The following ZCCHC24 variants were observed in gnomAD, a reference collection of about 807,000 sequenced individuals.
The protein encoded by ZCCHC24 is zinc finger CCHC domain-containing protein 24.
In ZCCHC24, 10 loss-of-function variants were observed where a neutral mutation model predicts 26.2. That is an observed-to-expected ratio of 0.38 (90% CI 0.24 to 0.65). The LOEUF is 0.65. Ranked by LOEUF, ZCCHC24 falls within the 30% of genes least tolerant of loss-of-function variation. The pLI is 0.54. For synonymous variants in ZCCHC24, 144 were observed against 147.1 expected (o/e 0.98, Z 0.15); for missense variants, 243 against 329.1 (o/e 0.74, Z 2.03).
chr10:79,428,669 A>G (rs1857082188), intron 2 of ZCCHC24, among the ~76,000 whole-genome samples: 1 of 152,208 alleles, frequency 6.6e-6, no homozygotes, highest in Non-Finnish European at 1.5e-5. Flanking sequence ...AGAAAAAAAT[A>G]GAGAAAATCA....
At chr10:79,416,835 G>A (rs112123141) in intron 2 of ZCCHC24, among the ~76,000 whole-genome samples, 8 of 152,238 alleles carry the variant, frequency 5.3e-5, no homozygotes, top group African/African-American at 1.4e-4. Flanking sequence ...CAGCACAAGG[G>A]CCATGAGAAG....
chr10:79,394,633 G>A (rs1352304307), intron 2 of ZCCHC24, 193 bp from the exon 3 acceptor site: 82 of 985,350 alleles, frequency 8.3e-5, no homozygotes, highest in Non-Finnish European at 9.8e-5. Flanking sequence ...GAGGCACATA[G>A]GGAACAGAAA....
chr10:79,386,675 TCA>T (rs1382374776), intron 3 of ZCCHC24, among the ~76,000 whole-genome samples: 1 of 152,064 alleles, frequency 6.6e-6, no homozygotes, highest in East Asian at 1.9e-4. Context: ...GCGCCTGTGG[TCA>T]CAGGTTGTTT....
chr10:79,428,183 A>G (rs1857060787), intron 2 of ZCCHC24, among the ~76,000 whole-genome samples: 1 of 152,246 alleles, frequency 6.6e-6, no homozygotes, highest in South Asian at 2.1e-4. Flanking sequence ...AATATTACTC[A>G]GCCTTAAAAA....
In ZCCHC24 at chr10:79,382,355, A is replaced by G. The variant is rs865784163; in HGVS notation, c.*3990T>C. 2 of 152,828 alleles carry G rather than the reference A, an allele frequency of 1.3e-5. No individual in the cohort carries two copies. The highest frequency in any genetic ancestry group is 1.5e-5 in the Non-Finnish European group (1 of 68,058). The allele number at this position is 152,828 out of a possible 1,614,324, so 9.5% of individuals were successfully genotyped here. On this transcript the variant is annotated 3_prime_UTR_variant, in exon 4 of 4. Transcript: ENST00000372336. Reference sequence around the variant, plus strand: ...CTTTTAAAAGTCCTTTTAATACAGCATGAAGAGGCTATATTTCTATAGGCG... The same window carrying G: ...CTTTTAAAAGTCCTTTTAATACAGCGTGAAGAGGCTATATTTCTATAGGCG...
At chr10:79,437,011 G>T (rs1271237482) in intron 1 of ZCCHC24, among the ~76,000 whole-genome samples, 1 of 152,204 alleles carries the variant, frequency 6.6e-6, no homozygotes, top group Non-Finnish European at 1.5e-5. Flanking sequence ...TTGCTTGGCT[G>T]TTGGGGAAAG....
At chr10:79,430,594 C>G (rs995005059) in intron 2 of ZCCHC24, among the ~76,000 whole-genome samples, 2 of 151,922 alleles carry the variant, frequency 1.3e-5, no homozygotes, top group African/African-American at 4.8e-5. Flanking sequence ...TGGAAGGTGC[C>G]AGGGACCTTC....
intron 3 of ZCCHC24, among the ~76,000 whole-genome samples, chr10:79,390,025 G>A (rs749500477): frequency 6.6e-6 from 1 of 152,046 alleles, no homozygotes; most frequent in African/African-American, 2.4e-5. Flanking sequence ...CACCATACCT[G>A]GCTAATTGTT....
At chr10:79,431,756 AT>A (rs1475127424) in intron 2 of ZCCHC24, among the ~76,000 whole-genome samples, 1 of 152,228 alleles carries the variant, frequency 6.6e-6, no homozygotes, top group African/African-American at 2.4e-5. Flanking sequence ...CAAACGTAAA[AT>A]AAAAGTAATG....
At chr10:79,396,233 C>G (rs546696238) in intron 2 of ZCCHC24, among the ~76,000 whole-genome samples, 21 of 152,328 alleles carry the variant, frequency 1.4e-4, no homozygotes, top group Non-Finnish European at 2.6e-4. Flanking sequence ...ATATGCCATG[C>G]TTTATTACCC....
intron 2 of ZCCHC24, among the ~76,000 whole-genome samples, chr10:79,413,581 T>C (rs2132197541): frequency 6.6e-6 from 1 of 152,314 alleles, no homozygotes; most frequent in African/African-American, 2.4e-5. Flanking sequence ...AAGTCAGCTA[T>C]AGAAAGCTGA....
At chr10:79,417,792 A>G (rs1856884885) in intron 2 of ZCCHC24, among the ~76,000 whole-genome samples, 1 of 152,084 alleles carries the variant, frequency 6.6e-6, no homozygotes, top group African/African-American at 2.4e-5. Flanking sequence ...TTCCATGCAC[A>G]TTTCTTCCCT....
intron 2 of ZCCHC24, among the ~76,000 whole-genome samples, chr10:79,396,028 C>A (rs1856542352): frequency 2.6e-5 from 4 of 152,224 alleles, no homozygotes; most frequent in Admixed American, 2.6e-4. Context: ...TCCCACACAG[C>A]CCTAGGCAGC....
chr10:79,442,291 C>G (rs1168735161), intron 1 of ZCCHC24, among the ~76,000 whole-genome samples: 1 of 152,196 alleles, frequency 6.6e-6, no homozygotes, highest in Non-Finnish European at 1.5e-5. Flanking sequence ...CCACAAGAAT[C>G]CAAGTCACCT....
rs1564640600 is a variant in ZCCHC24, at chr10:79,432,673, T to G, written c.332A>C (p.His111Pro). The change falls in exon 2 of 4, where the codon CAC becomes CCC. Residue 111 changes from histidine (H) to proline (P), a missense_variant. By Grantham distance (77) the His-to-Pro change is moderately conservative. Around this residue, in one of 2 missense-constraint regions of ZCCHC24, gnomAD observed 96 missense variants for 178.3 expected, o/e 0.54. Coordinates refer to ENST00000372336, the MANE Select transcript of ZCCHC24 (RefSeq NM_153367.4). ...IADGLSSLTE[H>P]FSDLTLTSEA... Reference sequence around the variant, plus strand: ...GGAGGTGAGGGTCAGGTCTGAGAAGTGCTCGGTGAGGGAGCTGAGGCCATC... The same window carrying G: ...GGAGGTGAGGGTCAGGTCTGAGAAGGGCTCGGTGAGGGAGCTGAGGCCATC... 1 of 1,609,108 alleles carries G rather than the reference T, an allele frequency of 6.2e-7. No individual in the cohort carries two copies. The highest frequency in any genetic ancestry group is 8.5e-7 in the Non-Finnish European group (1 of 1,178,022).
intron 2 of ZCCHC24, among the ~76,000 whole-genome samples, chr10:79,418,377 C>T (rs1439397389): frequency 6.6e-6 from 1 of 152,142 alleles, no homozygotes; most frequent in Non-Finnish European, 1.5e-5. Flanking sequence ...GGGATGAGAG[C>T]TCGGGCCTTC....
chr10:79,390,915 G>A, intron 3 of ZCCHC24, among the ~76,000 whole-genome samples: 1 of 152,180 alleles, frequency 6.6e-6, no homozygotes, highest in East Asian at 1.9e-4. Context: ...CCACCGCGGG[G>A]CAACATGGGG....
Position 79,432,824 on chromosome 10 carries a change from C to A in ZCCHC24, c.247-66G>T. The A allele has an allele frequency of 3.3e-6, 5 of 1,509,216 alleles. No individual in the cohort carries two copies. The South Asian group carries it at 6.1e-5, about 19-fold the overall frequency. The allele number at this position is 1,509,216 out of a possible 1,614,324, so 93.5% of individuals were successfully genotyped here. On this transcript the variant is annotated intron_variant, in intron 1 of 3. Coordinates refer to ENST00000372336, the MANE Select transcript of ZCCHC24 (RefSeq NM_153367.4). ...GGGAGAAGTTCCATAACCCCCCACCCAAACACACGCATGGATTCACACTGA... is the reference window on the plus strand; with the variant it reads ...GGGAGAAGTTCCATAACCCCCCACCAAAACACACGCATGGATTCACACTGA...
intron 2 of ZCCHC24, among the ~76,000 whole-genome samples, chr10:79,420,768 A>G (rs1283773002): frequency 6.6e-6 from 1 of 150,974 alleles, no homozygotes; most frequent in Non-Finnish European, 1.5e-5. Context: ...GCAAGTTTCT[A>G]TCTCAAAATA....
Sources: allele counts gnomAD v4.1 joint callset (sites outside exome capture counted in the v4.1 genomes callset), GRCh38; gene constraint gnomAD v4.1.1; regional missense constraint gnomAD v4.1.1; transcripts MANE v1.5; gene names NCBI Gene and HGNC (gene_info 2026-07-23, HGNC 2026-07-21).